Variants in HPSE2 observed in about 807,000 individuals in gnomAD.
HPSE2 encodes heparanase 2 (inactive), also known as inactive heparanase-2.
Under a neutral mutation model 60.5 loss-of-function variants are expected in HPSE2, and 38 were observed. The ratio of observed to expected loss-of-function variants is 0.63; its 90% CI spans 0.48 to 0.82. The LOEUF (loss-of-function observed/expected upper bound fraction) is 0.82, where lower values mean the gene tolerates loss of function less well. HPSE2 is among the 40% of genes least tolerant of loss of function. The pLI is 0.00. For synonymous variants in HPSE2, 295 were observed against 293.2 expected (o/e 1.01, Z -0.06); for missense variants, 713 against 740.4 (o/e 0.96, Z 0.43).
chr10:99,013,288 C>A, intron 3 of HPSE2: 1 of 621,570 alleles, frequency 1.6e-6, no homozygotes. Context: ...AGTAACCCAG[C>A]TTTTCTTAGG....
intron 9 of HPSE2, among the ~76,000 whole-genome samples, chr10:98,549,891 A>G (rs1437597235): frequency 6.6e-6 from 1 of 152,124 alleles, no homozygotes; most frequent in Non-Finnish European, 1.5e-5. Flanking sequence ...TCTATTCCTG[A>G]GCAATATCAT....
intron 7 of HPSE2, among the ~76,000 whole-genome samples, chr10:98,636,468 G>T (rs1378849226): frequency 6.6e-6 from 1 of 152,102 alleles, no homozygotes; most frequent in Non-Finnish European, 1.5e-5. Context: ...TCAAACTCCT[G>T]ACCTCAGGTG....
chr10:98,763,314 T>TA (rs1950047943), intron 3 of HPSE2, among the ~76,000 whole-genome samples: 1 of 151,762 alleles, frequency 6.6e-6, no homozygotes, highest in African/African-American at 2.4e-5. Context: ...AAATTTGATT[T>TA]AAAAAATAAA....
chr10:98,508,226 C>T (rs1942265842), intron 9 of HPSE2, among the ~76,000 whole-genome samples: 1 of 152,130 alleles, frequency 6.6e-6, no homozygotes, highest in Non-Finnish European at 1.5e-5. Context: ...TAGCAGATGA[C>T]ACTAAAAAGA....
At chr10:98,726,579 T>C (rs1949087028) in intron 4 of HPSE2, among the ~76,000 whole-genome samples, 1 of 150,944 alleles carries the variant, frequency 6.6e-6, no homozygotes, top group African/African-American at 2.4e-5. Flanking sequence ...GGCATATGTA[T>C]ACATATGTAA....
chr10:99,106,915 G>C (rs546446768), intron 3 of HPSE2, among the ~76,000 whole-genome samples: 1 of 152,118 alleles, frequency 6.6e-6, no homozygotes, highest in Non-Finnish European at 1.5e-5. Flanking sequence ...CTATCACCCA[G>C]GCTGGAGTGC....
At chr10:98,525,534 G>C (rs1942939687) in intron 9 of HPSE2, among the ~76,000 whole-genome samples, 1 of 152,244 alleles carries the variant, frequency 6.6e-6, no homozygotes, top group Non-Finnish European at 1.5e-5. Context: ...ACAATGAAAG[G>C]AAAAGCTACA....
chr10:99,260,295 C>T, the HPSE2 span, among the ~76,000 whole-genome samples: 2 of 151,878 alleles, frequency 1.3e-5, no homozygotes, highest in African/African-American at 4.8e-5. Flanking sequence ...CCACACAAAG[C>T]CTGTTGGTGG....
intron 9 of HPSE2, among the ~76,000 whole-genome samples, chr10:98,593,844 C>T (rs922636113): frequency 4.6e-5 from 7 of 152,136 alleles, no homozygotes; most frequent in Admixed American, 2.6e-4. Context: ...TGGCATACAG[C>T]AGGCTCTCAT....
intron 3 of HPSE2, among the ~76,000 whole-genome samples, chr10:99,049,367 G>C (rs1218448531): frequency 6.6e-6 from 1 of 151,760 alleles, no homozygotes; most frequent in African/African-American, 2.4e-5. Flanking sequence ...GAAGAAACAG[G>C]GGCTGAAAGT....
the HPSE2 span, among the ~76,000 whole-genome samples, chr10:99,242,617 A>G: frequency 1.1e-4 from 17 of 152,184 alleles, no homozygotes; most frequent in Admixed American, 1.1e-3. Flanking sequence ...CATCCCTGCC[A>G]ATTTTGCCAT....
At chr10:99,274,513 T>G in the HPSE2 span, among the ~76,000 whole-genome samples, 1 of 152,166 alleles carries the variant, frequency 6.6e-6, no homozygotes, top group Non-Finnish European at 1.5e-5. Context: ...AAAGCATTAA[T>G]AGAGGAGTAA....
intron 11 of HPSE2, among the ~76,000 whole-genome samples, chr10:98,466,497 G>A (rs1327606043): frequency 1.3e-5 from 2 of 151,832 alleles, no homozygotes; most frequent in Admixed American, 6.6e-5. Context: ...TGTAATCCCA[G>A]CTACTCAGGA....
intron 3 of HPSE2, among the ~76,000 whole-genome samples, chr10:98,885,125 C>G (rs2134900147): frequency 6.6e-6 from 1 of 152,170 alleles, no homozygotes; most frequent in South Asian, 2.1e-4. Flanking sequence ...TGATTCCAAC[C>G]CTTATTGGTG....
intron 7 of HPSE2, among the ~76,000 whole-genome samples, chr10:98,632,407 T>G (rs1010719743): frequency 2.0e-5 from 3 of 152,212 alleles, no homozygotes; most frequent in Non-Finnish European, 2.9e-5. Context: ...TGGTGAATTC[T>G]CTAATATTTG....
intron 6 of HPSE2, among the ~76,000 whole-genome samples, chr10:98,683,252 C>T (rs1411781623): frequency 6.6e-6 from 1 of 151,574 alleles, no homozygotes; most frequent in African/African-American, 2.4e-5. Context: ...GATTCAGGGA[C>T]CATCAGATAT....
intron 3 of HPSE2, among the ~76,000 whole-genome samples, chr10:98,763,002 C>G (rs4522095): frequency 0.69 from 104,717 of 151,240 alleles, 37,301 homozygotes; most frequent in Non-Finnish European, 0.8. Flanking sequence ...GAACTAGAAA[C>G]CATAAAATAG....
intron 9 of HPSE2, among the ~76,000 whole-genome samples, chr10:98,494,444 C>T (rs1027713188): frequency 4.6e-5 from 7 of 152,232 alleles, no homozygotes; most frequent in Non-Finnish European, 7.3e-5. Flanking sequence ...GGAAGAGGAA[C>T]AGGCTATGAC....
chr10:98,517,199 T>TGGGGGGGGGAGTA, intron 9 of HPSE2, among the ~76,000 whole-genome samples: 1 of 113,670 alleles, frequency 8.8e-6, no homozygotes, highest in African/African-American at 3.4e-5. Context: ...GGGTGTGGGG[T>TGGGGGGGGGAGTA]GGGGGGGGCG....
Sources: gnomAD v4.1 joint callset for allele counts (sites outside exome capture counted in the v4.1 genomes callset) on GRCh38, gnomAD v4.1.1 for gene constraint, MANE v1.5 for transcripts, NCBI Gene and HGNC (gene_info 2026-07-23, HGNC 2026-07-21) for gene names.